The following TRPS1 variants were observed in gnomAD, a reference collection of about 807,000 sequenced individuals.
TRPS1 encodes the protein transcriptional repressor GATA binding 1.
A neutral mutation model predicts 101.2 loss-of-function variants in TRPS1; 6 were observed. That is an observed-to-expected ratio of 0.06 (90% CI 0.03 to 0.12). The LOEUF (loss-of-function observed/expected upper bound fraction) is 0.12, where lower values mean the gene tolerates loss of function less well. TRPS1 is among the 10% of genes least tolerant of loss of function. The pLI is 1.00. For synonymous variants in TRPS1, 578 were observed against 589.8 expected, an observed-to-expected ratio of 0.98 and a Z score of 0.29; for missense variants, 1,363 against 1,567.0, an observed-to-expected ratio of 0.87 and a Z score of 2.20.
chr8:115,431,963 A>G (rs1381047057), intron 5 of TRPS1, among the ~76,000 whole-genome samples: 2 of 151,796 alleles, frequency 1.3e-5, no homozygotes, highest in Non-Finnish European at 3.0e-5. Context: ...ACACACACAA[A>G]CATACATTTA....
chr8:115,498,370 CCCGT>C (rs1328158611), intron 5 of TRPS1, among the ~76,000 whole-genome samples: 521 of 48,702 alleles, frequency 0.011, 55 homozygotes, highest in East Asian at 0.015. Context: ...AAAGAGAGAG[CCCGT>C]CTCTCTCTCT....
intron 3 of TRPS1, among the ~76,000 whole-genome samples, chr8:115,615,985 C>T (rs940968779): frequency 3.3e-5 from 5 of 151,776 alleles, no homozygotes; most frequent in African/African-American, 1.2e-4. Flanking sequence ...AACTAACATC[C>T]TGGTCAAATC....
rs1041650358 is a variant in TRPS1 at position 115,478,813 on chromosome 8, G to GTA, written c.2701-60363_2701-60362dup. Among the ~76,000 whole-genome samples, 115 of 147,820 alleles carry GTA rather than the reference G, an allele frequency of 7.8e-4. 1 individual carries two copies. The highest frequency in any genetic ancestry group is 9.9e-4 in the Non-Finnish European group (67 of 67,342). Reference sequence around the variant, plus strand: ...TGAGACTTGATCTCAAAAAAAAAAAGTATATATATATGTATATATGTATAT... The same window carrying GTA: ...TGAGACTTGATCTCAAAAAAAAAAAGTATATATATATATGTATATATGTATAT... On this transcript the variant is annotated intron_variant, in intron 5 of 6. Coordinates refer to ENST00000395715, the MANE Select transcript of TRPS1 (RefSeq NM_014112.5).
chr8:115,424,319 G>A (rs1813139114), intron 5 of TRPS1, among the ~76,000 whole-genome samples: 3 of 152,096 alleles, frequency 2.0e-5, no homozygotes, highest in South Asian at 2.1e-4. Flanking sequence ...TCATGTTAGC[G>A]AAATGCATAG....
intron 5 of TRPS1, among the ~76,000 whole-genome samples, chr8:115,531,158 A>G (rs998813127): frequency 1.3e-5 from 2 of 152,204 alleles, no homozygotes; most frequent in African/African-American, 4.8e-5. Context: ...TTGATTTGTT[A>G]ATTTTATGAA....
chr8:115,515,004 C>G lies in TRPS1; in HGVS notation c.2700+71997G>C, dbSNP rs548175600. The stretch of plus-strand genomic sequence containing the variant: ...TTACAACCTAAGACTAGAAAGGAAC[C>G]TCTAGAGATGATCAAGTACATACTT... On this transcript the variant is annotated intron_variant, in intron 5 of 6. Coordinates refer to ENST00000395715, the MANE Select transcript of TRPS1 (RefSeq NM_014112.5). Among the ~76,000 whole-genome samples the G allele has an allele frequency of 3.3e-5, 5 of 151,646 alleles. No individual in the cohort carries two copies. In the South Asian group the frequency reaches 1.0e-3, roughly 31 times the overall value.
At chr8:115,530,479 A>G (rs1215594412) in intron 5 of TRPS1, among the ~76,000 whole-genome samples, 1 of 152,186 alleles carries the variant, frequency 6.6e-6, no homozygotes, top group Admixed American at 6.5e-5. Context: ...AGGCAAGACA[A>G]AAATAATCCA....
intron 5 of TRPS1, among the ~76,000 whole-genome samples, chr8:115,555,348 T>C: frequency 6.8e-6 from 1 of 147,522 alleles, no homozygotes; most frequent in Non-Finnish European, 1.5e-5. Flanking sequence ...TAAATGAAAC[T>C]GATTATTTCA....
chr8:115,635,530 G>A (rs962561904), intron 1 of TRPS1, among the ~76,000 whole-genome samples: 7 of 152,118 alleles, frequency 4.6e-5, no homozygotes, highest in Non-Finnish European at 1.0e-4. Context: ...ACAAGGCAGA[G>A]AAGAAACTTA....
chr8:115,534,933 G>A (rs1816244047), intron 5 of TRPS1, among the ~76,000 whole-genome samples: 1 of 151,414 alleles, frequency 6.6e-6, no homozygotes, highest in South Asian at 2.1e-4. Flanking sequence ...CTTTAGGTTG[G>A]AGAAGGTGAA....
rs1554615770 is a variant in TRPS1, at chr8:115,409,919, C to CCT, written c.*4103_*4104insAG. The CCT allele has an allele frequency of 1.4e-5, 2 of 143,500 alleles. No homozygotes were observed. Among genetic ancestry groups the CCT allele is most frequent in the South Asian group, 2.2e-4 (1 of 4,580 alleles). The allele number at this position is 143,500 out of a possible 1,614,324, so 8.9% of individuals were successfully genotyped here. On this transcript the variant is annotated 3_prime_UTR_variant, in exon 7 of 7. Transcript: ENST00000395715. ...ACCAAAGACGACTTGATCTTTTTTT[C>CCT]TTTTTTTTTTTTTGCCATGGCTCTC...
chr8:115,664,158 T>C (rs1386251877), intron 1 of TRPS1, among the ~76,000 whole-genome samples: 1 of 152,158 alleles, frequency 6.6e-6, no homozygotes, highest in Non-Finnish European at 1.5e-5. Flanking sequence ...CTGTTTGCTA[T>C]AGAACAATGG....
In TRPS1 at chr8:115,552,362, G is replaced by A. The variant is rs575187994; in HGVS notation, c.2700+34639C>T. Among the ~76,000 whole-genome samples the A allele has an allele frequency of 1.2e-4, 19 of 152,156 alleles. No homozygotes were observed. In the South Asian group the frequency reaches 3.7e-3, roughly 30 times the overall value. On this transcript the variant is annotated intron_variant, in intron 5 of 6. Transcript: ENST00000395715. ...CTAAAAATGCTGGAATTTGTTAAGG[G>A]AGTCATTTCACCTCTTTAAAAAAAA...
At chr8:115,517,087 T>C (rs904218943) in intron 5 of TRPS1, among the ~76,000 whole-genome samples, 2 of 151,652 alleles carry the variant, frequency 1.3e-5, no homozygotes, top group African/African-American at 4.8e-5. Flanking sequence ...TTAAACAAAA[T>C]ATATGGTTGT....
At chr8:115,612,335 A>G (rs1274673049) in intron 3 of TRPS1, among the ~76,000 whole-genome samples, 1 of 152,144 alleles carries the variant, frequency 6.6e-6, no homozygotes. Flanking sequence ...AGATAAAGCT[A>G]GAACAACAGA....
At chr8:115,661,040 C>T (rs1017407409) in intron 1 of TRPS1, among the ~76,000 whole-genome samples, 3 of 151,940 alleles carry the variant, frequency 2.0e-5, no homozygotes. Context: ...AAAGTGGTAG[C>T]CCATAAAGTG....
At chr8:115,521,284 C>T (rs570106668) in intron 5 of TRPS1, among the ~76,000 whole-genome samples, 14 of 151,854 alleles carry the variant, frequency 9.2e-5, no homozygotes, top group African/African-American at 2.2e-4. Flanking sequence ...TCTCTAACTA[C>T]GATTCTCTAT....
intron 5 of TRPS1, among the ~76,000 whole-genome samples, chr8:115,469,175 CAT>C (rs1236508046): frequency 6.6e-6 from 1 of 152,088 alleles, no homozygotes; most frequent in African/African-American, 2.4e-5. Context: ...TACACACACA[CAT>C]GCTGAACCAA....
In TRPS1 at chr8:115,604,212, C is replaced by A; in HGVS notation, c.1757G>T (p.Ser586Ile). 6.2e-7 allele frequency: 1 copy of A among 1,614,054 alleles called. No individual in the cohort carries two copies. Among genetic ancestry groups the A allele is most frequent in the Non-Finnish European group, 8.5e-7 (1 of 1,179,982 alleles). ...HCPFCPRGLC[S>I]PEKHLGEITY... The stretch of plus-strand genomic sequence containing the variant: ...AATTTCTCCAAGGTGCTTTTCTGGG[C>A]TGCAAAGTCCTCTGGGACAGAATGG... The change falls in exon 4 of 7, where the codon AGC (serine) becomes ATC (isoleucine). Residue 586 changes from serine to isoleucine, a missense_variant. Physicochemically the swap from Ser to Ile is moderately radical, Grantham distance 142. Transcript: ENST00000395715. The surrounding 1 kb of genome is among the most constrained non-coding windows in gnomAD (Gnocchi z 4.1).
Sources: allele counts gnomAD v4.1 joint callset (sites outside exome capture counted in the v4.1 genomes callset), GRCh38; gene constraint gnomAD v4.1.1; non-coding constraint Gnocchi (gnomAD v3.1); transcripts MANE v1.5; gene names NCBI Gene and HGNC (gene_info 2026-07-23, HGNC 2026-07-21).